KIF25: variants seen among roughly 807,000 people sequenced by gnomAD.
KIF25 encodes kinesin-like protein KIF25.
KIF25 carries 19 observed loss-of-function variants against 32.9 expected under a neutral mutation model. That is an observed-to-expected ratio of 0.58 (90% CI 0.40 to 0.85). KIF25 has a LOEUF of 0.85. KIF25 is among the 40% of genes least tolerant of loss of function. KIF25 has a pLI of 0.00. For synonymous variants in KIF25, 225 were observed against 213.7 expected, an observed-to-expected ratio of 1.05 and a Z score of -0.46; for missense variants, 485 against 507.0, an observed-to-expected ratio of 0.96 and a Z score of 0.42.
chr6:168,022,888 T>C (rs1283200853), intron 5 of KIF25, among the ~76,000 whole-genome samples: 1 of 152,090 alleles, frequency 6.6e-6, no homozygotes, highest in Non-Finnish European at 1.5e-5. Context: ...CAGGTAACGT[T>C]TGTGGTTTGT....
intron 9 of KIF25, among the ~76,000 whole-genome samples, chr6:168,038,939 A>G (rs898297521): frequency 8.5e-5 from 13 of 152,170 alleles, no homozygotes; most frequent in African/African-American, 2.7e-4. Context: ...ACAACTCTCA[A>G]TTTGCTGTAA....
At chr6:168,027,784 C>T (rs948977486) in intron 5 of KIF25, among the ~76,000 whole-genome samples, 3 of 152,184 alleles carry the variant, frequency 2.0e-5, no homozygotes, top group Non-Finnish European at 4.4e-5. Context: ...CTCTGTGTCG[C>T]GTCTCTTCAG....
rs750553787 is a variant in KIF25, at chr6:168,038,473, C to T, written c.318-80C>T. 41 of 1,411,138 alleles carry T rather than the reference C, an allele frequency of 2.9e-5. No homozygotes were observed. The Middle Eastern group carries it at 7.2e-4, about 25-fold the overall frequency. The allele number at this position is 1,411,138 out of a possible 1,614,324, so 87.4% of individuals were successfully genotyped here. On this transcript the variant is annotated intron_variant, in intron 8 of 12. Coordinates refer to ENST00000643607, the MANE Select transcript of KIF25 (RefSeq NM_030615.4). ...CAGTCTTACTGAGCATCCTGTAGGG[C>T]GTCTGGGGCTATGATTGGCTTACAC...
intron 5 of KIF25, among the ~76,000 whole-genome samples, chr6:168,027,422 C>T (rs369989876): frequency 1.6e-4 from 22 of 139,254 alleles, no homozygotes; most frequent in African/African-American, 6.2e-4. Context: ...CCATTGCACT[C>T]CAGCCTGGGC....
At chr6:168,000,340 A>C (rs1583121014) in intron 2 of KIF25, among the ~76,000 whole-genome samples, 1 of 67,064 alleles carries the variant, frequency 1.5e-5, no homozygotes. Flanking sequence ...CATCCTGACC[A>C]CACCTGGCCC....
At chr6:168,003,322 T>TA (rs1436343332) in intron 3 of KIF25, among the ~76,000 whole-genome samples, 2 of 148,392 alleles carry the variant, frequency 1.3e-5, no homozygotes, top group East Asian at 2.0e-4. Context: ...AAGTAAAGAG[T>TA]AAAAAAAATA....
Position 168,042,050 on chromosome 6 carries a change from G to A in KIF25, c.728G>A (p.Gly243Glu). ...GGAAGGAGCCGCAGAGCTTCTCAAG[G>A]GGCCTTGGCTCCACAGCTGGTTCCT... is the stretch of plus-strand genomic sequence containing the variant. ...RAGRSRRASQ[G>E]ALAPQLVPGN... is the part of the protein sequence containing the mutation. Residue 243 changes from glycine to glutamate, a missense_variant, in exon 11 of 13, where the codon GGG (glycine) becomes GAG (glutamate). Gly to Glu is a moderately conservative substitution (Grantham distance 98). This residue lies in a region of KIF25 where 480 missense variants were observed against 470.3 expected (regional missense o/e 1.02). Coordinates refer to ENST00000643607, the MANE Select transcript of KIF25 (RefSeq NM_030615.4). 3.2e-6 allele frequency: 5 copies of A among 1,551,386 alleles called. No individual in the cohort carries two copies. The highest frequency in any genetic ancestry group is 4.4e-6 in the Non-Finnish European group (5 of 1,147,162).
At chr6:168,038,882 T>C (rs1251364886) in intron 9 of KIF25, among the ~76,000 whole-genome samples, 153 bp downstream of exon 9, 1 of 152,196 alleles carries the variant, frequency 6.6e-6, no homozygotes, top group Non-Finnish European at 1.5e-5. Flanking sequence ...CAGTGCTCCT[T>C]GTCACTGAGT....
intron 6 of KIF25, chr6:168,030,398 C>T (rs73042822): frequency 0.024 from 3,949 of 165,844 alleles, 70 homozygotes; most frequent in Middle Eastern, 0.041. Context: ...TAATTATATC[C>T]TCCCTCTGTC....
At chr6:168,024,320 T>A (rs980834082) in intron 5 of KIF25, among the ~76,000 whole-genome samples, 8 of 152,188 alleles carry the variant, frequency 5.3e-5, no homozygotes, top group African/African-American at 1.9e-4. Flanking sequence ...ACACACAGTT[T>A]TTTTTACAAT....
chr6:168,033,238 G>A (rs1337493813), intron 7 of KIF25, among the ~76,000 whole-genome samples: 1 of 152,146 alleles, frequency 6.6e-6, no homozygotes, highest in Non-Finnish European at 1.5e-5. Context: ...AATGGCTCAT[G>A]CTTGTAATCC....
chr6:167,999,641 T>G (rs1798470111), intron 2 of KIF25, among the ~76,000 whole-genome samples: 1 of 152,178 alleles, frequency 6.6e-6, no homozygotes, highest in Admixed American at 6.5e-5. Flanking sequence ...AGGCTTTGAA[T>G]GGACTTTTCC....
intron 5 of KIF25, among the ~76,000 whole-genome samples, chr6:168,028,573 C>A (rs1309737228): frequency 1.4e-5 from 2 of 141,510 alleles, no homozygotes; most frequent in Admixed American, 7.1e-5. Context: ...TATTCTCGTT[C>A]TTTTATTTTG....
chr6:168,039,279 G>A (rs1799081536), intron 9 of KIF25, among the ~76,000 whole-genome samples: 1 of 152,228 alleles, frequency 6.6e-6, no homozygotes, highest in Admixed American at 6.5e-5. Context: ...ACTCAGGCTA[G>A]GAGAGATGAA....
chr6:168,042,886 C>T (rs1799150983), intron 12 of KIF25, among the ~76,000 whole-genome samples, 170 bp downstream of exon 12: 1 of 152,176 alleles, frequency 6.6e-6, no homozygotes, highest in African/African-American at 2.4e-5. Context: ...TTCTCCTGCG[C>T]CGTCTCACCT....
chr6:168,041,966 C>A lies in KIF25; in HGVS notation c.647-3C>A. ...CTCCTCGTCGCTCCTTGGTCCCTTG[C>A]AGCAGACCAAGCCTGCAGTGCCACC... On this transcript the variant is annotated splice_polypyrimidine_tract_variant and splice_region_variant and intron_variant, in intron 10 of 12. Transcript: ENST00000643607. The A allele has an allele frequency of 6.4e-7, 1 of 1,551,344 alleles. No homozygotes were observed. Among genetic ancestry groups the A allele is most frequent in the Non-Finnish European group, 8.7e-7 (1 of 1,146,994 alleles).
chr6:168,024,678 G>A (rs1351514081), intron 5 of KIF25, among the ~76,000 whole-genome samples: 3 of 152,028 alleles, frequency 2.0e-5, no homozygotes, highest in Non-Finnish European at 4.4e-5. Flanking sequence ...GTTCGGGGCC[G>A]GGCACGGTGG....
chr6:168,029,812 C>T, intron 6 of KIF25, 135 bp downstream of exon 6: 1 of 1,127,036 alleles, frequency 8.9e-7, no homozygotes, highest in South Asian at 1.6e-5. Context: ...AAGATCTCAG[C>T]CCTGAGCATC....
chr6:168,001,033 G>C (rs1342646260), intron 2 of KIF25, among the ~76,000 whole-genome samples: 1 of 152,238 alleles, frequency 6.6e-6, no homozygotes, highest in African/African-American at 2.4e-5. Context: ...AAAGTGTTTA[G>C]ACATGATTGT....
Sources: allele counts gnomAD v4.1 joint callset (sites outside exome capture counted in the v4.1 genomes callset), GRCh38; gene constraint gnomAD v4.1.1; regional missense constraint gnomAD v4.1.1; transcripts MANE v1.5; gene names NCBI Gene and HGNC (gene_info 2026-07-23, HGNC 2026-07-21).